DLGAP1: variants seen among roughly 807,000 people sequenced by gnomAD.
The protein encoded by DLGAP1 is disks large-associated protein 1.
In DLGAP1, 11 loss-of-function variants were observed where a neutral mutation model predicts 90.8. The ratio of observed to expected loss-of-function variants is 0.12; its 90% confidence interval spans 0.08 to 0.20. DLGAP1 has a LOEUF of 0.20. Ranked by LOEUF, DLGAP1 falls within the 10% of genes least tolerant of loss-of-function variation. DLGAP1 has a pLI of 1.00. For synonymous variants in DLGAP1, 558 were observed against 540.7 expected, an observed-to-expected ratio of 1.03 and a Z score of -0.44; for missense variants, 1,050 against 1,333.8, an observed-to-expected ratio of 0.79 and a Z score of 3.31.
chr18:3,557,929 C>CA (rs111430668), intron 9 of DLGAP1, among the ~76,000 whole-genome samples: 1,422 of 114,400 alleles, frequency 0.012, 17 homozygotes, highest in African/African-American at 0.036. Flanking sequence ...CTTCGTCTCA[C>CA]AAAAAAAAAA....
intron 7 of DLGAP1, among the ~76,000 whole-genome samples, chr18:3,616,949 T>C (rs1441592233): frequency 1.3e-5 from 2 of 152,172 alleles, no homozygotes; most frequent in Non-Finnish European, 2.9e-5. Flanking sequence ...CCAGCTGTCC[T>C]GAGGCTGCCA....
At chr18:4,203,689 T>C (rs2077657106) in intron 1 of DLGAP1, among the ~76,000 whole-genome samples, 1 of 152,188 alleles carries the variant, frequency 6.6e-6, no homozygotes, top group African/African-American at 2.4e-5. Flanking sequence ...TGAGGGCCTC[T>C]CTGGTTCATG....
At chr18:4,233,574 C>T (rs73376913) in intron 1 of DLGAP1, among the ~76,000 whole-genome samples, 11,426 of 152,102 alleles carry the variant, frequency 0.075, 656 homozygotes, top group African/African-American at 0.15. Context: ...TGCTGGCTCT[C>T]TCTACTGTAA....
intron 3 of DLGAP1, among the ~76,000 whole-genome samples, chr18:3,909,437 A>C (rs368979656): frequency 6.6e-6 from 1 of 152,170 alleles, no homozygotes; most frequent in African/African-American, 2.4e-5. Context: ...GCAATTTGTA[A>C]GTCTCAAGCT....
chr18:3,571,920 T>C (rs189978992), intron 8 of DLGAP1, among the ~76,000 whole-genome samples: 1 of 152,294 alleles, frequency 6.6e-6, no homozygotes, highest in East Asian at 1.9e-4. Context: ...TGTTGTTTTA[T>C]AGTTTTTGTT....
At chr18:3,590,617 G>A (rs2056179856) in intron 7 of DLGAP1, among the ~76,000 whole-genome samples, 1 of 152,130 alleles carries the variant, frequency 6.6e-6, no homozygotes, top group African/African-American at 2.4e-5. Context: ...CACTCTGGGA[G>A]GTCGAGGCCA....
At chr18:4,392,282 C>T (rs2082355456) in intron 1 of DLGAP1, among the ~76,000 whole-genome samples, 1 of 152,114 alleles carries the variant, frequency 6.6e-6, no homozygotes, top group African/African-American at 2.4e-5. Flanking sequence ...GGAGGAGCTG[C>T]TCATATCCAG....
Position 3,723,563 on chromosome 18 carries a change from T to TG in DLGAP1, c.1591+5571dup, listed in dbSNP as rs200973149. Reference sequence around the variant, plus strand: ...TTCTGCTTAGGGTTTAGGGTTTGTGTGGGGGGGGAGTGGGGAGCAAGGTGT... The same window carrying TG: ...TTCTGCTTAGGGTTTAGGGTTTGTGTGGGGGGGGGAGTGGGGAGCAAGGTGT... On this transcript the variant is annotated intron_variant, in intron 7 of 12. Transcript: ENST00000315677. Among the ~76,000 whole-genome samples the TG allele has an allele frequency of 1.3e-3, 193 of 151,076 alleles. No homozygotes were observed. In the South Asian group the frequency reaches 0.021, roughly 17 times the overall value.
intron 1 of DLGAP1, among the ~76,000 whole-genome samples, chr18:4,204,519 G>GT (rs1309295303): frequency 1.4e-5 from 2 of 145,748 alleles, no homozygotes; most frequent in Non-Finnish European, 3.0e-5. Context: ...TTTTTTTTTT[G>GT]TTTTTGTTTT....
chr18:4,412,632 C>T (rs147133232), intron 1 of DLGAP1, among the ~76,000 whole-genome samples: 264 of 152,236 alleles, frequency 1.7e-3, no homozygotes, highest in African/African-American at 6.1e-3. Context: ...TGAGAACAAC[C>T]ACCTGTTATA....
intron 10 of DLGAP1, among the ~76,000 whole-genome samples, chr18:3,523,386 A>C (rs1367147749): frequency 6.6e-6 from 1 of 151,886 alleles, no homozygotes; most frequent in Admixed American, 6.6e-5. Flanking sequence ...CAAAGAAAAA[A>C]AAAAATTAAA....
At chr18:4,279,827 T>C (rs1308050296) in intron 1 of DLGAP1, among the ~76,000 whole-genome samples, 2 of 152,212 alleles carry the variant, frequency 1.3e-5, no homozygotes, top group African/African-American at 4.8e-5. Flanking sequence ...TCATTAATTA[T>C]ATATGTTGCA....
chr18:4,169,489 T>C (rs1228229813), intron 1 of DLGAP1, among the ~76,000 whole-genome samples: 5 of 152,316 alleles, frequency 3.3e-5, no homozygotes, highest in Admixed American at 2.6e-4. Flanking sequence ...ACAAAATACA[T>C]ATGGCAAATT....
chr18:3,914,211 T>G (rs1234831907), intron 3 of DLGAP1, among the ~76,000 whole-genome samples: 1 of 152,130 alleles, frequency 6.6e-6, no homozygotes, highest in East Asian at 1.9e-4. Flanking sequence ...TCCCCATCCT[T>G]CCCTTTCCCC....
At chr18:4,440,567 G>T (rs1038650420) in intron 1 of DLGAP1, among the ~76,000 whole-genome samples, 1 of 151,952 alleles carries the variant, frequency 6.6e-6, no homozygotes, top group Non-Finnish European at 1.5e-5. Flanking sequence ...TTCAAATTTG[G>T]GGGGAGGTCA....
intron 7 of DLGAP1, among the ~76,000 whole-genome samples, chr18:3,583,909 C>T (rs1236824072): frequency 6.6e-6 from 1 of 152,126 alleles, no homozygotes; most frequent in Non-Finnish European, 1.5e-5. Context: ...GATCGTGCCA[C>T]TGCACTCCAG....
chr18:3,852,609 A>G (rs372416057), intron 4 of DLGAP1, among the ~76,000 whole-genome samples: 1 of 152,182 alleles, frequency 6.6e-6, no homozygotes, highest in Non-Finnish European at 1.5e-5. Flanking sequence ...ATGATCCAAC[A>G]TGACAGGAAG....
chr18:4,368,394 A>G (rs923572753), intron 1 of DLGAP1, among the ~76,000 whole-genome samples: 2 of 152,158 alleles, frequency 1.3e-5, no homozygotes, highest in Non-Finnish European at 2.9e-5. Flanking sequence ...AAATCAGTAG[A>G]CACTGAGTAA....
intron 2 of DLGAP1, among the ~76,000 whole-genome samples, chr18:4,080,163 A>C (rs1428685251): frequency 6.6e-6 from 1 of 152,184 alleles, no homozygotes; most frequent in Non-Finnish European, 1.5e-5. Flanking sequence ...TTTATGCCTA[A>C]AAATAGACAT....
Sources: gnomAD v4.1 joint callset for allele counts (sites outside exome capture counted in the v4.1 genomes callset) on GRCh38, gnomAD v4.1.1 for gene constraint, MANE v1.5 for transcripts, NCBI Gene and HGNC (gene_info 2026-07-23, HGNC 2026-07-21) for gene names.